Variants in GSTO2 observed in about 807,000 individuals in gnomAD.
GSTO2 encodes the protein glutathione S-transferase omega 2.
A neutral mutation model predicts 28.4 loss-of-function variants in GSTO2; 23 were observed. The observed-to-expected ratio is 0.81, with a 90% CI of 0.58 to 1.15. The LOEUF is 1.15. Ranked by LOEUF, GSTO2 falls within the 50% of genes most tolerant of loss-of-function variation. The probability of loss-of-function intolerance (pLI) is 0.00; values close to 1 mark genes in which losing one functional copy is unlikely to be tolerated. For synonymous variants in GSTO2, 109 were observed against 111.0 expected, an observed-to-expected ratio of 0.98 and a Z score of 0.11; for missense variants, 298 against 297.8, an observed-to-expected ratio of 1.00 and a Z score of 0.00.
intron 2 of GSTO2, 84 bp downstream of exon 2, chr10:104,275,033 C>T (rs979238391): frequency 6.5e-7 from 1 of 1,529,602 alleles, no homozygotes. Context: ...TGGCCTTGGC[C>T]TGCAGACCGG....
rs993133322 is a variant in GSTO2, at chr10:104,274,851, C to G, written c.-65C>G. 23 of 1,568,014 alleles carry G rather than the reference C, an allele frequency of 1.5e-5. No individual in the cohort carries two copies. In the Admixed American group the frequency reaches 4.2e-4, roughly 29 times the overall value. The stretch of plus-strand genomic sequence containing the variant: ...GCGCAGCTGTTTCTGGAGCCTGCGG[C>G]AGCGGTGGCGAGCCACAGGGCGGCG... On this transcript the variant is annotated 5_prime_UTR_variant, in exon 2 of 7. Transcript: ENST00000338595.
At chr10:104,294,547 G>A (rs919501115) in intron 5 of GSTO2, among the ~76,000 whole-genome samples, 2 of 152,154 alleles carry the variant, frequency 1.3e-5, no homozygotes, top group African/African-American at 4.8e-5. Flanking sequence ...GCTTGAAATT[G>A]GTGGAAAAAT....
At chr10:104,289,063 C>A (rs1414946765) in intron 5 of GSTO2, among the ~76,000 whole-genome samples, 1 of 152,156 alleles carries the variant, frequency 6.6e-6, no homozygotes, top group African/African-American at 2.4e-5. Flanking sequence ...CTTTTCCCCC[C>A]ACACTATCTT....
At chr10:104,295,421 G>C (rs942074006) in intron 5 of GSTO2, 21 of 152,222 alleles carry the variant, frequency 1.4e-4, no homozygotes, top group Admixed American at 3.9e-4. Context: ...TCTGAGAAGG[G>C]GTGGCAGGTG....
At position 104,304,338 on chromosome 10, in the gene GSTO2, C is replaced by T. The variant is rs964764719; in HGVS notation, c.*5054C>T. ...CCATTTCCTCTACATACTATTCTTC[C>T]TCAGAGCAGCCCTCTGTTTTTTTTT... On this transcript the variant is annotated 3_prime_UTR_variant, in exon 7 of 7. Coordinates refer to ENST00000338595, the MANE Select transcript of GSTO2 (RefSeq NM_183239.2). The T allele has an allele frequency of 3.3e-5, 5 of 152,160 alleles. No homozygotes were observed. Among genetic ancestry groups the T allele is most frequent in the Non-Finnish European group, 5.9e-5 (4 of 68,056 alleles). 9.4% of individuals were successfully genotyped at this position (152,160 alleles called of 1,614,324 possible).
At chr10:104,298,663 G>T (rs1049488806) in intron 6 of GSTO2, among the ~76,000 whole-genome samples, 1 of 152,066 alleles carries the variant, frequency 6.6e-6, no homozygotes, top group East Asian at 1.9e-4. Context: ...TGACTTCAAG[G>T]TTTCATCCTT....
At chr10:104,286,908 GA>G (rs11321519) in intron 5 of GSTO2, among the ~76,000 whole-genome samples, 2,469 of 151,878 alleles carry the variant, frequency 0.016, 16 homozygotes, top group South Asian at 0.021. Flanking sequence ...AGAAACTAAG[GA>G]AAAAAAATTA....
chr10:104,285,131 A>T (rs1175731311), intron 5 of GSTO2, among the ~76,000 whole-genome samples: 2 of 152,156 alleles, frequency 1.3e-5, no homozygotes, highest in Admixed American at 6.5e-5. Flanking sequence ...GCCAAACTTG[A>T]TCATGTGCCT....
In GSTO2 at chr10:104,299,351, T is replaced by C. The variant is rs2013188817; in HGVS notation, c.*67T>C. ...TGTTGGGAGTCTACGTCACGGCTTG[T>C]CTTGGGAACCAATCCGTCTCTCTTT... On this transcript the variant is annotated 3_prime_UTR_variant, in exon 7 of 7. Transcript: ENST00000338595. The C allele has an allele frequency of 1.3e-6, 2 of 1,540,902 alleles. No homozygotes were observed. The highest frequency in any genetic ancestry group is 1.2e-5 in the South Asian group (1 of 84,886).
In GSTO2 at chr10:104,272,587, C is replaced by CTTTTTT. The variant is rs768279768; in HGVS notation, c.-231-2059_-231-2054dup. ...GAATCAAAATAGAACAGTTATGGGA[C>CTTTTTT]TTTTTTTTTTTTTTTTTTTTTTTTT... On this transcript the variant is annotated intron_variant, in intron 1 of 6. Transcript: ENST00000338595. Among the ~76,000 whole-genome samples the CTTTTTT allele has an allele frequency of 4.3e-3, 214 of 49,292 alleles. 53 individuals are homozygous for CTTTTTT. Among genetic ancestry groups the CTTTTTT allele is most frequent in the Non-Finnish European group, 6.5e-3 (172 of 26,476 alleles). 32.3% of individuals were successfully genotyped at this position (49,292 alleles called of 152,430 possible).
In GSTO2 at chr10:104,274,859, G is replaced by C; in HGVS notation, c.-57G>C. The C allele has an allele frequency of 6.3e-7, 1 of 1,579,564 alleles. No individual in the cohort carries two copies. Among genetic ancestry groups the C allele is most frequent in the Non-Finnish European group, 8.6e-7 (1 of 1,161,896 alleles). ...GTTTCTGGAGCCTGCGGCAGCGGTG[G>C]CGAGCCACAGGGCGGCGACCGTGAG... On this transcript the variant is annotated 5_prime_UTR_variant, in exon 2 of 7. Transcript: ENST00000338595.
intron 6 of GSTO2, 108 bp from the exon 7 acceptor site, chr10:104,299,020 T>C (rs157079): frequency 0.99 from 973,649 of 984,766 alleles, 481,377 homozygotes; most frequent in East Asian, 1. Flanking sequence ...TAAGATAACT[T>C]CCCAAATAAA....
chr10:104,300,440 A>G lies in GSTO2; in HGVS notation c.*1156A>G, dbSNP rs184583222. ...ATTGGCTCTGTCCCTGGGAGCCCCC[A>G]TCTCTCCACTTATCTTGGTTGAGGT... On this transcript the variant is annotated 3_prime_UTR_variant, in exon 7 of 7. Transcript: ENST00000338595. 9.2e-5 allele frequency: 14 copies of G among 152,382 alleles called. No homozygotes were observed. Among genetic ancestry groups the G allele is most frequent in the African/African-American group, 2.9e-4 (12 of 41,566 alleles). 9.4% of individuals were successfully genotyped at this position (152,382 alleles called of 1,614,324 possible).
chr10:104,279,138 T>G (rs962590138), intron 4 of GSTO2, among the ~76,000 whole-genome samples: 3 of 152,182 alleles, frequency 2.0e-5, no homozygotes, highest in Admixed American at 6.5e-5. Flanking sequence ...TAAGGAGCAC[T>G]GGAGAAACCC....
intron 5 of GSTO2, among the ~76,000 whole-genome samples, chr10:104,293,542 A>T (rs1484153158): frequency 8.1e-6 from 1 of 124,118 alleles, no homozygotes; most frequent in East Asian, 2.1e-4. Context: ...GATTACAGGC[A>T]TGAGCCACTG....
intron 5 of GSTO2, among the ~76,000 whole-genome samples, chr10:104,281,676 T>C (rs2012052411): frequency 6.6e-6 from 1 of 152,210 alleles, no homozygotes; most frequent in African/African-American, 2.4e-5. Flanking sequence ...CAAATGGTAC[T>C]AGTCCTGTTT....
rs1013853689 is a variant in GSTO2, at chr10:104,300,693, G to A, written c.*1409G>A. On this transcript the variant is annotated 3_prime_UTR_variant, in exon 7 of 7. Coordinates refer to ENST00000338595, the MANE Select transcript of GSTO2 (RefSeq NM_183239.2). ...CATCTCAGTGTCTGAGGATCAGCCT[G>A]TGATCATTTCAGCTTTGCTCATGCT... The A allele has an allele frequency of 1.3e-5, 2 of 152,282 alleles. No homozygotes were observed. Among genetic ancestry groups the A allele is most frequent in the African/African-American group, 4.8e-5 (2 of 41,448 alleles). The allele number at this position is 152,282 out of a possible 1,614,324, so 9.4% of individuals were successfully genotyped here.
rs397787244 is a variant in GSTO2, at chr10:104,293,563, A to ATTTTTTTTTTTTTT, written c.469-4006_469-3993dup. 6.5e-3 allele frequency among the ~76,000 whole-genome samples: 531 copies of ATTTTTTTTTTTTTT among 81,596 alleles called. 89 individuals carry two copies. The highest frequency in any genetic ancestry group is 0.027 in the African/African-American group (446 of 16,220). 53.5% of individuals were successfully genotyped at this position (81,596 alleles called of 152,430 possible). On this transcript the variant is annotated intron_variant, in intron 5 of 6. Coordinates refer to ENST00000338595, the MANE Select transcript of GSTO2 (RefSeq NM_183239.2). ...AGGCATGAGCCACTGCGCCTGGCCAATTTTTTTTTTTTTTTTTTTTTTGCG... is the reference window on the plus strand; with the variant it reads ...AGGCATGAGCCACTGCGCCTGGCCAATTTTTTTTTTTTTTTTTTTTTTTTTTTTTTTTTTTTGCG...
chr10:104,273,175 CCTT>C (rs145062194), intron 1 of GSTO2, among the ~76,000 whole-genome samples: 22 of 152,218 alleles, frequency 1.4e-4, no homozygotes, highest in Non-Finnish European at 2.9e-4. Context: ...TCCAATTTGT[CCTT>C]CTTGATCAGA....
Sources: gnomAD v4.1 joint callset for allele counts (sites outside exome capture counted in the v4.1 genomes callset) on GRCh38, gnomAD v4.1.1 for gene constraint, MANE v1.5 for transcripts, NCBI Gene and HGNC (gene_info 2026-07-23, HGNC 2026-07-21) for gene names.